Variants in PHF14 observed in about 807,000 individuals in gnomAD.
PHF14 encodes the protein PHD finger protein 14.
A neutral mutation model predicts 117.9 loss-of-function variants in PHF14; 55 were observed. That is an observed-to-expected ratio of 0.47 (90% CI 0.38 to 0.58). The LOEUF (loss-of-function observed/expected upper bound fraction) is 0.58, where lower values mean the gene tolerates loss of function less well. PHF14 is among the 20% of genes least tolerant of loss of function. PHF14 has a pLI of 0.00. For missense variants in PHF14, 978 were observed against 1,122.2 expected, an observed-to-expected ratio of 0.87 and a Z score of 1.84; for synonymous variants, 409 against 368.6, an observed-to-expected ratio of 1.11 and a Z score of -1.26.
intron 17 of PHF14, among the ~76,000 whole-genome samples, chr7:11,137,696 C>T (rs1788265664): frequency 6.7e-6 from 1 of 149,314 alleles, no homozygotes; most frequent in Admixed American, 6.8e-5. Flanking sequence ...AGCGATTCTC[C>T]TACCTCAGCC....
At chr7:11,047,783 C>T (rs2128325559) in intron 13 of PHF14, among the ~76,000 whole-genome samples, 1 of 125,866 alleles carries the variant, frequency 7.9e-6, no homozygotes, top group Admixed American at 9.6e-5. Context: ...GAGACTCTGT[C>T]TCACAAAAAG....
chr7:11,142,728 A>G (rs1788435628), intron 17 of PHF14, among the ~76,000 whole-genome samples: 1 of 152,146 alleles, frequency 6.6e-6, no homozygotes, highest in Non-Finnish European at 1.5e-5. Context: ...CTTGTTCACT[A>G]TCCAAGATTT....
intron 17 of PHF14, among the ~76,000 whole-genome samples, chr7:11,149,089 A>G (rs1788635344): frequency 6.6e-6 from 1 of 152,100 alleles, no homozygotes; most frequent in Non-Finnish European, 1.5e-5. Flanking sequence ...TCACAGAGTC[A>G]AACCAATAGT....
chr7:11,000,235 T>C (rs758760465), intron 4 of PHF14, among the ~76,000 whole-genome samples: 1 of 152,130 alleles, frequency 6.6e-6, no homozygotes. Context: ...CCATTTCCCT[T>C]TTTAATTTTG....
intron 17 of PHF14, among the ~76,000 whole-genome samples, chr7:11,123,982 T>TATCCTTTATTTAAA (rs1419852373): frequency 9.9e-5 from 15 of 152,112 alleles, no homozygotes; most frequent in African/African-American, 3.6e-4. Context: ...GTAAAATTGA[T>TATCCTTTATTTAAA]ATCCTTTATT....
intron 17 of PHF14, among the ~76,000 whole-genome samples, chr7:11,117,105 G>A (rs148474055): frequency 5.1e-4 from 78 of 151,992 alleles, no homozygotes; most frequent in African/African-American, 1.8e-3. Flanking sequence ...TCTTTTAAAA[G>A]TGCTTCCTCC....
In PHF14 at chr7:11,130,297, C is replaced by T. The variant is rs1788059269; in HGVS notation, c.2772+18830C>T. ...GAAGCCAGTAAGTGTAATGCTACCA[C>T]CATATGCTACCATACTTCCAAGACC... On this transcript the variant is annotated intron_variant, in intron 17 of 17. Coordinates refer to ENST00000634607, the MANE Select transcript of PHF14 (RefSeq NM_001007157.2). This position sits in a 1 kb window ranked among gnomAD's most constrained non-coding sequence, Gnocchi z 4.2. Among the ~76,000 whole-genome samples, 1 of 151,998 alleles carries T rather than the reference C, an allele frequency of 6.6e-6. No individual in the cohort carries two copies. Among genetic ancestry groups the T allele is most frequent in the Non-Finnish European group, 1.5e-5 (1 of 67,962 alleles).
At chr7:11,154,954 A>G (rs1004559772) in intron 17 of PHF14, among the ~76,000 whole-genome samples, 1 of 151,996 alleles carries the variant, frequency 6.6e-6, no homozygotes, top group African/African-American at 2.4e-5. Flanking sequence ...TAACATAATG[A>G]TGGTTATTTA....
intron 16 of PHF14, chr7:11,109,395 A>T (rs1787369416): frequency 6.7e-6 from 1 of 148,856 alleles, no homozygotes; most frequent in Non-Finnish European, 1.5e-5. Context: ...TGATGACCTG[A>T]GATGACAAAT....
intron 7 of PHF14, among the ~76,000 whole-genome samples, chr7:11,034,581 C>G (rs1477374918): frequency 8.7e-6 from 1 of 115,528 alleles, no homozygotes; most frequent in East Asian, 2.8e-4. Flanking sequence ...CAGACTGTCG[C>G]TCTGTCACCC....
At chr7:11,071,796 T>C (rs1308289054) in intron 16 of PHF14, among the ~76,000 whole-genome samples, 1 of 152,246 alleles carries the variant, frequency 6.6e-6, no homozygotes, top group Non-Finnish European at 1.5e-5. Context: ...ACTAATTTAA[T>C]GCAATAAGAG....
At chr7:11,000,618 C>A (rs1176673041) in intron 4 of PHF14, among the ~76,000 whole-genome samples, 1 of 152,090 alleles carries the variant, frequency 6.6e-6, no homozygotes, top group Non-Finnish European at 1.5e-5. Flanking sequence ...GGATTACAGG[C>A]GTGAGCCACC....
chr7:11,134,044 G>C (rs1285599058), intron 17 of PHF14, among the ~76,000 whole-genome samples: 1 of 151,982 alleles, frequency 6.6e-6, no homozygotes, highest in East Asian at 1.9e-4. Flanking sequence ...GTTTATCAAA[G>C]ACTATCCAGT....
At chr7:11,121,823 A>G (rs989050655) in intron 17 of PHF14, among the ~76,000 whole-genome samples, 2 of 151,998 alleles carry the variant, frequency 1.3e-5, no homozygotes, top group African/African-American at 4.8e-5. Flanking sequence ...ATGGTATGCA[A>G]TTTAAAACTT....
intron 16 of PHF14, chr7:11,105,907 G>C: frequency 1.0e-6 from 1 of 983,618 alleles, no homozygotes; most frequent in African/African-American, 1.7e-5. Flanking sequence ...CTATTGATTA[G>C]AGCATAATTA....
intron 11 of PHF14, among the ~76,000 whole-genome samples, chr7:11,039,117 C>T (rs1784418508): frequency 6.6e-6 from 1 of 152,072 alleles, no homozygotes; most frequent in Non-Finnish European, 1.5e-5. Context: ...ATTGACCTGT[C>T]ATTTGTGATG....
rs1782071934 is a variant in PHF14, at chr7:10,982,432, G to C, written c.173G>C (p.Cys58Ser). Reference sequence around the variant, plus strand: ...TCAAAGGACAGTGGAGAAGGTTCCTGTAGTGATTCTGAAGAAAATATTTTA... The same window carrying C: ...TCAAAGGACAGTGGAGAAGGTTCCTCTAGTGATTCTGAAGAAAATATTTTA... ...DASKDSGEGS[C>S]SDSEENILEE... Residue 58 changes from cysteine to serine, a missense_variant, in exon 3 of 18, where the codon TGT becomes TCT. Physicochemically the swap from Cys to Ser is moderately radical, Grantham distance 112. Around this residue, in one of 7 missense-constraint regions of PHF14, gnomAD observed 414 missense variants for 376.4 expected, o/e 1.10. Coordinates refer to ENST00000634607, the MANE Select transcript of PHF14 (RefSeq NM_001007157.2). The C allele has an allele frequency of 6.3e-7, 1 of 1,594,828 alleles. No individual in the cohort carries two copies. Among genetic ancestry groups the C allele is most frequent in the South Asian group, 1.1e-5 (1 of 87,742 alleles).
intron 12 of PHF14, 42 bp from the exon 13 acceptor site, chr7:11,042,641 A>C (rs775916525): frequency 7.1e-7 from 1 of 1,407,016 alleles, no homozygotes; most frequent in African/African-American, 1.4e-5. Context: ...TTTCACTATG[A>C]TAATTATTAT....
chr7:11,031,976 C>T (rs149094936), intron 7 of PHF14, among the ~76,000 whole-genome samples: 2 of 152,020 alleles, frequency 1.3e-5, no homozygotes, highest in African/African-American at 2.4e-5. Context: ...AATATAAAAC[C>T]GGGTGTGGTG....
Sources: gnomAD v4.1 joint callset for allele counts (sites outside exome capture counted in the v4.1 genomes callset) on GRCh38, gnomAD v4.1.1 for gene constraint, gnomAD v4.1.1 regional missense constraint, Gnocchi (gnomAD v3.1) non-coding constraint, MANE v1.5 for transcripts, NCBI Gene and HGNC (gene_info 2026-07-23, HGNC 2026-07-21) for gene names.